Variants in EPS8L3 observed in about 807,000 individuals in gnomAD.
EPS8L3 encodes EPS8 signaling adaptor L3, also known as epidermal growth factor receptor kinase substrate 8-like protein 3.
A neutral mutation model predicts 88.5 loss-of-function variants in EPS8L3; 80 were observed. That is an observed-to-expected ratio of 0.90 (90% CI 0.75 to 1.09). The LOEUF is 1.09. Ranked by LOEUF, EPS8L3 falls within the 50% of genes least tolerant of loss-of-function variation. The pLI, the probability that EPS8L3 is intolerant of heterozygous loss-of-function variation, is 0.00. For synonymous variants in EPS8L3, 286 were observed against 291.0 expected (o/e 0.98, Z 0.18); for missense variants, 721 against 735.2 (o/e 0.98, Z 0.22).
rs745780738 is a variant in EPS8L3 at position 109,753,097 on chromosome 1, C to T, written c.1200+20G>A. On this transcript the variant is annotated intron_variant, in intron 13 of 18. Transcript: ENST00000361965. ...AGGGACTAGGGCTGTGGGTAGGGCTCTATGCCAAGCTCCCCTTACTTGGCT... is the reference window on the plus strand; with the variant it reads ...AGGGACTAGGGCTGTGGGTAGGGCTTTATGCCAAGCTCCCCTTACTTGGCT... The T allele has an allele frequency of 4.4e-6, 7 of 1,602,464 alleles. 1 individual carries two copies. The highest frequency in any genetic ancestry group is 1.7e-4 in the Middle Eastern group (1 of 6,038).
intron 1 of EPS8L3, 60 bp downstream of exon 1, chr1:109,763,762 G>T (rs878603): frequency 0.18 from 28,178 of 153,120 alleles, 2,877 homozygotes; most frequent in South Asian, 0.23. Context: ...GCCCCCACCT[G>T]CCCTGAGATC....
intron 12 of EPS8L3, among the ~76,000 whole-genome samples, chr1:109,756,430 T>G (rs4970778): frequency 0.77 from 117,138 of 152,124 alleles, 46,148 homozygotes; most frequent in African/African-American, 0.94. Flanking sequence ...AAGAGACGGG[T>G]TTTCACCATG....
rs539746728 is a variant in EPS8L3 at position 109,750,712 on chromosome 1, T to A, written c.1718A>T (p.Gln573Leu). ...CCGGGACAGGATTCGTGGGGCCTCC[T>A]GTGGACATAGCATCTGTAGCTCCCC... ...RPGELQMLCPQEAPRILSRLE... is the reference protein window; with the variant it reads ...RPGELQMLCPLEAPRILSRLE... The change falls in exon 18 of 19, where the codon CAG (glutamine) becomes CTG (leucine). Residue 573 changes from glutamine to leucine, a missense_variant. Coordinates refer to ENST00000361965, the MANE Select transcript of EPS8L3 (RefSeq NM_133181.4). 5.0e-6 allele frequency: 8 copies of A among 1,614,196 alleles called. No homozygotes were observed. In the African/African-American group the frequency reaches 9.3e-5, roughly 19 times the overall value.
At chr1:109,758,093 A>G (rs201723011) in intron 8 of EPS8L3, 35 bp from the exon 9 acceptor site, 11 of 1,583,068 alleles carry the variant, frequency 6.9e-6, no homozygotes, top group Middle Eastern at 1.8e-4. Context: ...TTGAACGGGC[A>G]GTTGGGCCCA....
Position 109,759,646 on chromosome 1 carries a change from T to A in EPS8L3, c.255+32A>T. 1 of 1,608,670 alleles carries A rather than the reference T, an allele frequency of 6.2e-7. No homozygotes were observed. Among genetic ancestry groups the A allele is most frequent in the Non-Finnish European group, 8.5e-7 (1 of 1,178,140 alleles). ...GTGCTTGCTTCCCCACAGCCCAGGC[T>A]GGCTATCACTGGGTTTGCTGGGAAG... On this transcript the variant is annotated intron_variant, in intron 4 of 18. Coordinates refer to ENST00000361965, the MANE Select transcript of EPS8L3 (RefSeq NM_133181.4). This position sits in a 1 kb window ranked among gnomAD's most constrained non-coding sequence, Gnocchi z 4.2.
chr1:109,758,617 G>C lies in EPS8L3; in HGVS notation c.508C>G (p.Pro170Ala), dbSNP rs749807649. The change falls in exon 7 of 19, where the codon CCT becomes GCT. Residue 170 changes from proline (P) to alanine (A), a missense_variant. Physicochemically the swap from Pro to Ala is conservative, Grantham distance 27. Transcript: ENST00000361965. ...ATAGGGAGCGGCCTTTCCATAGCAGGCCCCCTCCATCTGTCCTGGCCTGGC... is the reference window on the plus strand; with the variant it reads ...ATAGGGAGCGGCCTTTCCATAGCAGCCCCCCTCCATCTGTCCTGGCCTGGC... ...LQPGQDRWRGPAMERPLPMEQ... is the reference protein window; with the variant it reads ...LQPGQDRWRGAAMERPLPMEQ... 2 of 1,612,084 alleles carry C rather than the reference G, an allele frequency of 1.2e-6. No homozygotes were observed. The highest frequency in any genetic ancestry group is 1.3e-5 in the African/African-American group (1 of 74,974).
intron 18 of EPS8L3, 66 bp downstream of exon 18, chr1:109,750,594 G>A: frequency 6.2e-7 from 1 of 1,607,518 alleles, no homozygotes. Flanking sequence ...TTTCCAACTG[G>A]CCCTCTCTCT....
intron 16 of EPS8L3, 22 bp downstream of exon 16, chr1:109,751,632 G>T: frequency 1.9e-6 from 3 of 1,613,970 alleles, no homozygotes; most frequent in Middle Eastern, 1.6e-4. Context: ...TAGGGCTCTG[G>T]ATAGTCCAGG....
Position 109,757,878 on chromosome 1 carries a change from C to G in EPS8L3, c.833-15G>C. 1 of 1,614,070 alleles carries G rather than the reference C, an allele frequency of 6.2e-7. No homozygotes were observed. The highest frequency in any genetic ancestry group is 8.5e-7 in the Non-Finnish European group (1 of 1,179,940). On this transcript the variant is annotated splice_polypyrimidine_tract_variant and intron_variant, in intron 9 of 18. Transcript: ENST00000361965. ...CTGGGTGAGACCTGGGAGAAGGGGC[C>G]AAGACGGTGGGCCAGAGATCACCCT...
intron 12 of EPS8L3, among the ~76,000 whole-genome samples, chr1:109,755,408 G>T (rs904519269): frequency 1.3e-5 from 2 of 152,166 alleles, no homozygotes; most frequent in African/African-American, 4.8e-5. Context: ...TTAATTTCAT[G>T]CTATGTATAT....
chr1:109,761,509 G>A lies in EPS8L3; in HGVS notation c.82C>T (p.Gln28Ter). The change falls in exon 3 of 19, where the codon CAG (glutamine) becomes TAG (stop). Residue 28 changes from glutamine (Q) to a stop codon, truncating the protein, a stop_gained. Transcript: ENST00000361965. LOFTEE classifies it high-confidence loss of function. ...GAGGTACTCACCTCCACCCTGTGCT[G>A]CAGGAGGGTGGGCTCTGAGGTGAGG... Reference protein sequence around the residue: ...QNLTSEPTLLQHRVEHLMTCK... With the variant: ...QNLTSEPTLL 6.2e-7 allele frequency: 1 copy of A among 1,613,104 alleles called. No homozygotes were observed. The highest frequency in any genetic ancestry group is 8.5e-7 in the Non-Finnish European group (1 of 1,179,370).
At chr1:109,750,446 G>A in intron 18 of EPS8L3, 44 bp from the exon 19 acceptor site, 1 of 1,611,628 alleles carries the variant, frequency 6.2e-7, no homozygotes, top group Non-Finnish European at 8.5e-7. Flanking sequence ...GGCAGGTGAG[G>A]GATCTGCAGA....
At position 109,761,726 on chromosome 1, in the gene EPS8L3, G is replaced by A. The variant is rs781516579; in HGVS notation, c.24C>T (p.Ala8=). 3 of 1,613,866 alleles carry A rather than the reference G, an allele frequency of 1.9e-6. No homozygotes were observed. The highest frequency in any genetic ancestry group is 2.5e-6 in the Non-Finnish European group (3 of 1,179,978). The part of the protein sequence containing the change: MSRPSSR[A]IYLHRKEYSQ... ...GGCCTGCCAGGAGCTTACAGTAAATGGCTCTGCTGCTGGGCCTTGACATGT... is the reference window on the plus strand; with the variant it reads ...GGCCTGCCAGGAGCTTACAGTAAATAGCTCTGCTGCTGGGCCTTGACATGT... The change falls in exon 2 of 19, where the codon GCC becomes GCT. Residue 8 remains alanine (A), a synonymous_variant. Coordinates refer to ENST00000361965, the MANE Select transcript of EPS8L3 (RefSeq NM_133181.4).
intron 3 of EPS8L3, 39 bp downstream of exon 3, chr1:109,761,456 T>C: frequency 6.3e-7 from 1 of 1,575,820 alleles, no homozygotes; most frequent in Non-Finnish European, 8.7e-7. Flanking sequence ...AACACTTGGG[T>C]TTAGTTGGAC....
In EPS8L3 at chr1:109,752,161, T is replaced by G. The variant is rs1450111936; in HGVS notation, c.1268A>C (p.His423Pro). 6.2e-7 allele frequency: 1 copy of G among 1,613,912 alleles called. No homozygotes were observed. Among genetic ancestry groups the G allele is most frequent in the South Asian group, 1.1e-5 (1 of 91,056 alleles). Residue 423 changes from histidine (H) to proline (P), a missense_variant, in exon 15 of 19, where the codon CAC becomes CCC. By Grantham distance (77) the His-to-Pro change is moderately conservative. Transcript: ENST00000361965. ...GTTGTGTGTCTTCTCCTGAGGAAAG[T>G]GTGAGGTGCTCCCTAACCTATGACT... is the stretch of plus-strand genomic sequence containing the variant. ...RGSHRLGSTS[H>P]FPQEKTHNHD...
intron 11 of EPS8L3, 78 bp downstream of exon 11, chr1:109,757,403 C>T (rs1412849982): frequency 7.0e-7 from 1 of 1,421,992 alleles, no homozygotes; most frequent in African/African-American, 1.4e-5. Context: ...CATCCCCCTC[C>T]ACCAGCTCCT....
At chr1:109,750,465 C>T in intron 18 of EPS8L3, 63 bp from the exon 19 acceptor site, 1 of 1,601,564 alleles carries the variant, frequency 6.2e-7, no homozygotes, top group East Asian at 2.2e-5. Flanking sequence ...GAGCTTATGC[C>T]ACCAATAAGC....
intron 7 of EPS8L3, 33 bp from the exon 8 acceptor site, chr1:109,758,464 T>C (rs1324157115): frequency 6.4e-7 from 1 of 1,571,810 alleles, no homozygotes; most frequent in Non-Finnish European, 8.6e-7. Context: ...ACCTAGATCT[T>C]AGATCTTTGA....
Position 109,759,374 on chromosome 1 carries a change from G to A in EPS8L3, c.269C>T (p.Ser90Phe). The A allele has an allele frequency of 6.2e-7, 1 of 1,614,062 alleles. No individual in the cohort carries two copies. Among genetic ancestry groups the A allele is most frequent in the Non-Finnish European group, 8.5e-7 (1 of 1,179,968 alleles). ...GGCCTGGATGCTGTCTAGGCGGTAA[G>A]AGTCCAGCTCCTCCTGGGCCAGGTG... ...LDIETKEELD[S>F]YRLDSIQAMN... Residue 90 changes from serine to phenylalanine, a missense_variant, in exon 5 of 19, where the codon TCT becomes TTT. By Grantham distance (155) the Ser-to-Phe change is radical. Transcript: ENST00000361965. This position sits in a 1 kb window ranked among gnomAD's most constrained non-coding sequence, Gnocchi z 4.2.
Sources: gnomAD v4.1 joint callset for allele counts (sites outside exome capture counted in the v4.1 genomes callset) on GRCh38, gnomAD v4.1.1 for gene constraint, Gnocchi (gnomAD v3.1) non-coding constraint, MANE v1.5 for transcripts, NCBI Gene and HGNC (gene_info 2026-07-23, HGNC 2026-07-21) for gene names.